The following OPHN1 variants were observed in gnomAD, a reference collection of about 807,000 sequenced individuals.
OPHN1 encodes the protein oligophrenin 1, also known as oligophrenin-1.
OPHN1 carries 11 observed loss-of-function variants against 60.7 expected under a neutral mutation model. The observed-to-expected ratio is 0.18, with a 90% confidence interval of 0.11 to 0.30. The LOEUF is 0.30. Among genes scored for constraint, OPHN1 ranks in the 10% least tolerant of loss-of-function variants. The pLI, the probability that OPHN1 is intolerant of heterozygous loss-of-function variation, is 1.00. For synonymous variants in OPHN1, 226 were observed against 222.6 expected, an observed-to-expected ratio of 1.02 and a Z score of -0.14; for missense variants, 449 against 611.0, an observed-to-expected ratio of 0.73 and a Z score of 2.80.
At chrX:68,378,251 A>T (rs1296301143) in intron 2 of OPHN1, among the ~76,000 whole-genome samples, 6 of 111,956 alleles carry the variant, frequency 5.4e-5, no homozygotes, top group Admixed American at 3.8e-4. Context: ...GTCTGTTCAT[A>T]TCCTTCACCC....
chrX:68,297,948 C>G (rs1344066578), intron 3 of OPHN1, among the ~76,000 whole-genome samples: 1 of 111,489 alleles, frequency 9.0e-6, no homozygotes, highest in Non-Finnish European at 1.9e-5. Flanking sequence ...TATTTCTGTG[C>G]AGGAATATCT....
At chrX:68,139,146 T>G in intron 15 of OPHN1, among the ~76,000 whole-genome samples, 1 of 108,647 alleles carries the variant, frequency 9.2e-6, no homozygotes, top group Non-Finnish European at 1.9e-5. Flanking sequence ...GAAAAAAAAG[T>G]GAGGGGAGCT....
At chrX:68,159,997 T>TAA (rs61099307) in intron 15 of OPHN1, among the ~76,000 whole-genome samples, 14 of 101,833 alleles carry the variant, frequency 1.4e-4, no homozygotes, top group East Asian at 1.2e-3. Flanking sequence ...ACTGGAAAAT[T>TAA]AAAAAAAAAA....
chrX:68,158,027 CA>C (rs1186468404), intron 15 of OPHN1, among the ~76,000 whole-genome samples: 1 of 111,798 alleles, frequency 8.9e-6, no homozygotes, highest in Admixed American at 9.5e-5. Context: ...GGGCTCACTG[CA>C]AGCTCCACCT....
chrX:68,274,977 C>A (rs1409570270), intron 4 of OPHN1, among the ~76,000 whole-genome samples, 168 bp from the exon 5 acceptor site: 1 of 112,090 alleles, frequency 8.9e-6, no homozygotes. Context: ...TCTGAAAAAT[C>A]AAATGCATTG....
chrX:68,054,819 T>C (rs988990404), intron 21 of OPHN1, among the ~76,000 whole-genome samples: 1 of 111,709 alleles, frequency 9.0e-6, no homozygotes, highest in Non-Finnish European at 1.9e-5. Flanking sequence ...ATGAAGACCA[T>C]ACTGAAATAG....
chrX:68,203,198 T>C (rs1319918806), intron 10 of OPHN1, among the ~76,000 whole-genome samples: 1 of 111,689 alleles, frequency 9.0e-6, no homozygotes, highest in Admixed American at 9.5e-5. Context: ...GAGGCTGCAG[T>C]GCGCCAAGAT....
intron 15 of OPHN1, among the ~76,000 whole-genome samples, chrX:68,175,085 A>C (rs1270863304): frequency 2.7e-5 from 3 of 109,678 alleles, no homozygotes; most frequent in African/African-American, 1.0e-4. Context: ...TCTGTCTCAA[A>C]AAAAAAAGAA....
intron 2 of OPHN1, among the ~76,000 whole-genome samples, chrX:68,317,416 GA>G (rs1264378648): frequency 4.3e-5 from 4 of 93,804 alleles, no homozygotes; most frequent in African/African-American, 1.6e-4. Flanking sequence ...AGGAAGGAAG[GA>G]AGGAAGGAGC....
chrX:68,276,805 C>T (rs756193833), intron 4 of OPHN1, among the ~76,000 whole-genome samples: 1 of 111,085 alleles, frequency 9.0e-6, no homozygotes, highest in East Asian at 2.9e-4. Context: ...TCTTGGAATA[C>T]TCCCACTAGG....
intron 2 of OPHN1, among the ~76,000 whole-genome samples, chrX:68,395,054 C>G (rs1207933719): frequency 2.7e-5 from 3 of 110,939 alleles, no homozygotes; most frequent in African/African-American, 6.6e-5. Context: ...CTCCCAGACT[C>G]AAGCGATTCT....
intron 20 of OPHN1, among the ~76,000 whole-genome samples, chrX:68,069,160 A>G (rs2076924102): frequency 8.9e-6 from 1 of 111,988 alleles, no homozygotes; most frequent in Non-Finnish European, 1.9e-5. Flanking sequence ...AGAGGGGCAA[A>G]TTGAGGTCCA....
intron 15 of OPHN1, among the ~76,000 whole-genome samples, chrX:68,173,899 T>G (rs970607070): frequency 9.0e-6 from 1 of 111,576 alleles, no homozygotes; most frequent in Non-Finnish European, 1.9e-5. Flanking sequence ...ATAAAAAAAC[T>G]AATCTATCCT....
intron 3 of OPHN1, among the ~76,000 whole-genome samples, chrX:68,292,375 T>C (rs756656774): frequency 1.8e-5 from 2 of 112,223 alleles, no homozygotes; most frequent in South Asian, 7.4e-4. Context: ...AGTGTTATTA[T>C]GATTATAGAT....
At chrX:68,418,772 T>C (rs1421633476) in intron 2 of OPHN1, among the ~76,000 whole-genome samples, 1 of 111,726 alleles carries the variant, frequency 9.0e-6, no homozygotes, top group Non-Finnish European at 1.9e-5. Context: ...AGAGCACTAA[T>C]AATGCCCTGC....
chrX:68,264,178 T>C (rs943960347), intron 5 of OPHN1, among the ~76,000 whole-genome samples: 2 of 111,341 alleles, frequency 1.8e-5, no homozygotes, highest in Non-Finnish European at 3.8e-5. Context: ...GGCAATACCA[T>C]TCAGGACATA....
intron 2 of OPHN1, among the ~76,000 whole-genome samples, chrX:68,425,809 A>AGTC (rs2078851770): frequency 4.7e-5 from 1 of 21,199 alleles, no homozygotes; most frequent in Non-Finnish European, 1.2e-4. Flanking sequence ...CCTGGACTGG[A>AGTC]TTCTTTTTTT....
At chrX:68,071,799 CAGTAAGGG>C (rs1384657588) in intron 20 of OPHN1, 6 of 409,625 alleles carry the variant, frequency 1.5e-5, no homozygotes, top group Non-Finnish European at 2.2e-5. Flanking sequence ...ATGATTCAGA[CAGTAAGGG>C]AGCCGGCTGC....
intron 5 of OPHN1, among the ~76,000 whole-genome samples, chrX:68,270,620 A>G (rs1305424586): frequency 1.9e-5 from 2 of 104,086 alleles, no homozygotes; most frequent in Non-Finnish European, 3.9e-5. Flanking sequence ...GGATAGCATT[A>G]GGAGATATAC....
Sources: allele counts gnomAD v4.1 joint callset (sites outside exome capture counted in the v4.1 genomes callset), GRCh38; gene constraint gnomAD v4.1.1; transcripts MANE v1.5; gene names NCBI Gene and HGNC (gene_info 2026-07-23, HGNC 2026-07-21).